Variants in TXNDC16 observed in about 807,000 individuals in gnomAD.
TXNDC16 encodes the protein thioredoxin domain containing 16.
A neutral mutation model predicts 85.6 loss-of-function variants in TXNDC16; 74 were observed. The observed-to-expected ratio is 0.86, with a 90% CI of 0.72 to 1.05. TXNDC16 has a LOEUF of 1.05. Ranked by LOEUF, TXNDC16 falls within the 50% of genes least tolerant of loss-of-function variation. The pLI, the probability that TXNDC16 is intolerant of heterozygous loss-of-function variation, is 0.00. For missense variants in TXNDC16, 959 were observed against 947.0 expected (o/e 1.01, Z -0.17); for synonymous variants, 335 against 326.5 (o/e 1.03, Z -0.28).
intron 1 of TXNDC16, among the ~76,000 whole-genome samples, chr14:52,546,336 A>G (rs2037941926): frequency 6.6e-6 from 1 of 152,186 alleles, no homozygotes; most frequent in African/African-American, 2.4e-5. Context: ...TCTAGATATC[A>G]GAACCAAGTG....
intron 13 of TXNDC16, 74 bp downstream of exon 13, chr14:52,482,748 A>G (rs1223667743): frequency 2.1e-5 from 29 of 1,413,824 alleles, no homozygotes; most frequent in African/African-American, 2.9e-5. Context: ...CATGCAATAC[A>G]TGGAATGCCA....
In TXNDC16 at chr14:52,509,607, T is replaced by C. The variant is rs112079557; in HGVS notation, c.756+1633A>G. Among the ~76,000 whole-genome samples, 178 of 151,658 alleles carry C rather than the reference T, an allele frequency of 1.2e-3. 1 individual carries two copies. Among genetic ancestry groups the C allele is most frequent in the African/African-American group, 4.2e-3 (172 of 41,340 alleles). ...TGTATATATATGTAACAAACCTGCA[T>C]GTTGTGCACATGTACCCTAAAACTT... On this transcript the variant is annotated intron_variant, in intron 9 of 20. Transcript: ENST00000281741.
Position 52,536,701 on chromosome 14 carries a change from T to C in TXNDC16, c.392+18A>G. ...TAAGTAACAAGTAAACAAATGAATG[T>C]GTAGCCCCTGTACTTACAAGAGAAC... On this transcript the variant is annotated intron_variant, in intron 6 of 20. Coordinates refer to ENST00000281741, the MANE Select transcript of TXNDC16 (RefSeq NM_020784.3). The C allele has an allele frequency of 6.3e-7, 1 of 1,587,700 alleles. No homozygotes were observed. The highest frequency in any genetic ancestry group is 8.6e-7 in the Non-Finnish European group (1 of 1,163,090).
intron 8 of TXNDC16, among the ~76,000 whole-genome samples, chr14:52,512,802 A>G (rs1428614868): frequency 6.6e-6 from 1 of 152,194 alleles, no homozygotes; most frequent in African/African-American, 2.4e-5. Flanking sequence ...CGTTTGCCAT[A>G]TTAACACTTT....
At chr14:52,463,918 A>C (rs1283945896) in intron 16 of TXNDC16, among the ~76,000 whole-genome samples, 2 of 152,246 alleles carry the variant, frequency 1.3e-5, no homozygotes, top group Non-Finnish European at 2.9e-5. Context: ...AAAAACAAAA[A>C]CAAACTAAAA....
At chr14:52,472,199 T>C (rs75044080) in intron 14 of TXNDC16, among the ~76,000 whole-genome samples, 18 of 151,938 alleles carry the variant, frequency 1.2e-4, no homozygotes, top group African/African-American at 3.9e-4. Context: ...TTTTTTTTTT[T>C]TGCTTTTGTA....
At position 52,432,381 on chromosome 14, in the gene TXNDC16, T is replaced by A. The variant is rs142193862; in HGVS notation, c.2401A>T (p.Asn801Tyr). 4 of 1,613,900 alleles carry A rather than the reference T, an allele frequency of 2.5e-6. No homozygotes were observed. The highest frequency in any genetic ancestry group is 3.4e-6 in the Non-Finnish European group (4 of 1,179,962). The change falls in exon 21 of 21, where the codon AAT (asparagine) becomes TAT (tyrosine). Residue 801 changes from asparagine (N) to tyrosine (Y), a missense_variant. Coordinates refer to ENST00000281741, the MANE Select transcript of TXNDC16 (RefSeq NM_020784.3). Reference protein sequence around the residue: ...PIETLRIKHWNRSNWFKEAEK... With the variant: ...PIETLRIKHWYRSNWFKEAEK... ...GCTTCTTTAAACCAATTACTTCTAT[T>A]CCAATGCTTTATTCTCAGAGTTTCA...
At chr14:52,536,872 A>G in intron 5 of TXNDC16, 79 bp from the exon 6 acceptor site, 1 of 1,219,634 alleles carries the variant, frequency 8.2e-7, no homozygotes. Flanking sequence ...TTGTCTATCA[A>G]ATACATTAGC....
chr14:52,443,810 C>T (rs907570362), intron 18 of TXNDC16, among the ~76,000 whole-genome samples: 1 of 152,038 alleles, frequency 6.6e-6, no homozygotes. Context: ...AAAGAAGGAC[C>T]AGTGGAAGGA....
At chr14:52,519,126 T>C (rs973274777) in intron 7 of TXNDC16, 46 bp downstream of exon 7, 3 of 1,565,504 alleles carry the variant, frequency 1.9e-6, no homozygotes, top group African/African-American at 2.7e-5. Context: ...TCAACATACA[T>C]AAGTACAGAG....
Position 52,511,319 on chromosome 14 carries a change from C to A in TXNDC16, c.677G>T (p.Cys226Phe). Reference sequence around the variant, plus strand: ...TGGCTGTTCCATTAGTGTTCTTCTACATTGCTGGGTCAAGTCCAAGACTAG... The same window carrying A: ...TGGCTGTTCCATTAGTGTTCTTCTAAATTGCTGGGTCAAGTCCAAGACTAG... ...CKLVLDLTQQ[C>F]RRTLMEQPLT... Residue 226 changes from cysteine (C) to phenylalanine (F), a missense_variant, in exon 9 of 21, where the codon TGT becomes TTT. By Grantham distance (205) the Cys-to-Phe change is radical. Transcript: ENST00000281741. 6.2e-7 allele frequency: 1 copy of A among 1,608,746 alleles called. No homozygotes were observed. The highest frequency in any genetic ancestry group is 8.5e-7 in the Non-Finnish European group (1 of 1,176,428).
rs150961758 is a variant in TXNDC16, at chr14:52,516,490, C to T, written c.515-1520G>A. Among the ~76,000 whole-genome samples, 440 of 152,224 alleles carry T rather than the reference C, an allele frequency of 2.9e-3. 1 individual carries two copies. Among genetic ancestry groups the T allele is most frequent in the African/African-American group, 9.9e-3 (413 of 41,548 alleles). On this transcript the variant is annotated intron_variant, in intron 7 of 20. Transcript: ENST00000281741. The stretch of plus-strand genomic sequence containing the variant: ...TCATTCTCAATCCTTGAACTGCAAA[C>T]TCTTCTTTCCTCTCTGGAAGATTTT...
At chr14:52,536,922 T>A (rs1210422941) in intron 5 of TXNDC16, 129 bp from the exon 6 acceptor site, 2 of 669,618 alleles carry the variant, frequency 3.0e-6, no homozygotes, top group African/African-American at 3.6e-5. Flanking sequence ...CTTGTCCACA[T>A]ACTCCACATA....
intron 15 of TXNDC16, 69 bp from the exon 16 acceptor site, chr14:52,470,242 T>C: frequency 8.2e-7 from 1 of 1,213,240 alleles, no homozygotes; most frequent in Non-Finnish European, 1.1e-6. Context: ...AAAAAAAGCA[T>C]ACTAAACATA....
chr14:52,510,098 C>T (rs2036921707), intron 9 of TXNDC16, among the ~76,000 whole-genome samples: 1 of 151,412 alleles, frequency 6.6e-6, no homozygotes, highest in Admixed American at 6.6e-5. Context: ...ATTATGGTTA[C>T]AGAACAGAAT....
chr14:52,485,275 C>T (rs2036242465), intron 12 of TXNDC16, among the ~76,000 whole-genome samples: 2 of 152,036 alleles, frequency 1.3e-5, no homozygotes, highest in African/African-American at 2.4e-5. Flanking sequence ...TGGAAAAAAG[C>T]TTATAGCATA....
intron 9 of TXNDC16, among the ~76,000 whole-genome samples, chr14:52,503,045 T>C (rs2036700044): frequency 6.6e-6 from 1 of 152,186 alleles, no homozygotes. Context: ...CGCCCGCCAT[T>C]GCCAAGGCTT....
chr14:52,494,125 C>A (rs911073878), intron 9 of TXNDC16, among the ~76,000 whole-genome samples: 1 of 150,736 alleles, frequency 6.6e-6, no homozygotes. Context: ...GGATTCTCTT[C>A]GGCAATTTTT....
intron 20 of TXNDC16, among the ~76,000 whole-genome samples, chr14:52,437,629 C>T (rs982448298): frequency 5.3e-5 from 8 of 151,896 alleles, no homozygotes; most frequent in Non-Finnish European, 2.9e-5. Context: ...AAAAGATAAC[C>T]CACAGAATGG....
Sources: gnomAD v4.1 joint callset for allele counts (sites outside exome capture counted in the v4.1 genomes callset) on GRCh38, gnomAD v4.1.1 for gene constraint, MANE v1.5 for transcripts, NCBI Gene and HGNC (gene_info 2026-07-23, HGNC 2026-07-21) for gene names.